Variants in CHCHD3 observed in about 807,000 individuals in gnomAD.
CHCHD3 encodes MICOS complex subunit MIC19.
CHCHD3 carries 20 observed loss-of-function variants against 38.2 expected under a neutral mutation model. That is an observed-to-expected ratio of 0.52 (90% CI 0.37 to 0.76). The LOEUF is 0.76. Among genes scored for constraint, CHCHD3 ranks in the 30% least tolerant of loss-of-function variants. CHCHD3 has a pLI of 0.00. For missense variants in CHCHD3, 245 were observed against 279.2 expected, an observed-to-expected ratio of 0.88 and a Z score of 0.87; for synonymous variants, 82 against 100.0, an observed-to-expected ratio of 0.82 and a Z score of 1.07.
intron 4 of CHCHD3, among the ~76,000 whole-genome samples, chr7:132,934,909 A>G (rs1179045547): frequency 1.3e-5 from 2 of 152,200 alleles, no homozygotes; most frequent in African/African-American, 4.8e-5. Flanking sequence ...CTCCCGCACA[A>G]TATGGAAAAG....
chr7:132,993,519 C>T (rs1812336003), intron 3 of CHCHD3, among the ~76,000 whole-genome samples: 2 of 152,196 alleles, frequency 1.3e-5, no homozygotes, highest in South Asian at 4.1e-4. Flanking sequence ...TCTTTCTCTC[C>T]GCCTACTGTG....
intron 5 of CHCHD3, among the ~76,000 whole-genome samples, chr7:132,861,778 A>G (rs1384701274): frequency 6.6e-6 from 1 of 152,086 alleles, no homozygotes; most frequent in Non-Finnish European, 1.5e-5. Context: ...TTTGAATTTC[A>G]TAGAATTGTT....
At chr7:132,814,757 T>C (rs1807155404) in intron 6 of CHCHD3, among the ~76,000 whole-genome samples, 1 of 152,208 alleles carries the variant, frequency 6.6e-6, no homozygotes, top group Non-Finnish European at 1.5e-5. Flanking sequence ...ATCTGGAGTT[T>C]TGTCAAATCA....
At chr7:132,982,083 A>G (rs2117346243) in intron 3 of CHCHD3, among the ~76,000 whole-genome samples, 1 of 152,314 alleles carries the variant, frequency 6.6e-6, no homozygotes, top group South Asian at 2.1e-4. Context: ...CAGAAGAGCT[A>G]AGCTGGGTAA....
intron 4 of CHCHD3, among the ~76,000 whole-genome samples, chr7:132,939,651 TC>T (rs1810717256): frequency 6.6e-6 from 1 of 152,154 alleles, no homozygotes; most frequent in Admixed American, 6.5e-5. Context: ...TCAGTGACTC[TC>T]TAAACATTAA....
chr7:133,068,265 C>T (rs550654343), intron 2 of CHCHD3, among the ~76,000 whole-genome samples: 7 of 152,114 alleles, frequency 4.6e-5, no homozygotes, highest in South Asian at 4.2e-4. Context: ...ATTCAACAAA[C>T]GATAATAAGC....
At chr7:132,849,727 T>G (rs1021320693) in intron 5 of CHCHD3, 3 of 152,196 alleles carry the variant, frequency 2.0e-5, no homozygotes, top group African/African-American at 7.2e-5. Context: ...AACTTCCCAG[T>G]AGGCTGCTTA....
chr7:132,869,645 G>T (rs114941478), intron 5 of CHCHD3, among the ~76,000 whole-genome samples: 1 of 152,126 alleles, frequency 6.6e-6, no homozygotes, highest in Non-Finnish European at 1.5e-5. Context: ...GGAGTGCAGC[G>T]ACATAATGGC....
intron 2 of CHCHD3, among the ~76,000 whole-genome samples, chr7:133,046,072 T>C (rs747944266): frequency 3.9e-5 from 6 of 152,208 alleles, no homozygotes; most frequent in Non-Finnish European, 7.3e-5. Context: ...TGAATCTTAC[T>C]TTTTTTAGTG....
intron 4 of CHCHD3, among the ~76,000 whole-genome samples, chr7:132,939,796 G>C (rs1353457457): frequency 6.6e-6 from 1 of 152,156 alleles, no homozygotes; most frequent in East Asian, 1.9e-4. Flanking sequence ...AGACATTTAG[G>C]AACAAATGAG....
In CHCHD3 at chr7:132,987,436, CA is replaced by C. The variant is rs142242689; in HGVS notation, c.252-12151del. 2.3e-3 allele frequency among the ~76,000 whole-genome samples: 352 copies of C among 152,146 alleles called. 2 individuals carry two copies. Among genetic ancestry groups the C allele is most frequent in the African/African-American group, 7.9e-3 (327 of 41,504 alleles). On this transcript the variant is annotated intron_variant, in intron 3 of 7. Transcript: ENST00000262570. ...TCATGAAAGAGATTGTGAATATAACCAAAAAAGGTGGGAGATGAAGGGCTTC... is the reference window on the plus strand; with the variant it reads ...TCATGAAAGAGATTGTGAATATAACCAAAAAGGTGGGAGATGAAGGGCTTC...
chr7:133,051,147 C>T (rs1814151904), intron 2 of CHCHD3, among the ~76,000 whole-genome samples: 2 of 152,150 alleles, frequency 1.3e-5, no homozygotes, highest in Non-Finnish European at 2.9e-5. Flanking sequence ...AGCCAGAAAG[C>T]ATAACAACAA....
intron 2 of CHCHD3, among the ~76,000 whole-genome samples, chr7:133,066,842 C>A (rs955363513): frequency 6.6e-6 from 1 of 152,184 alleles, no homozygotes; most frequent in African/African-American, 2.4e-5. Flanking sequence ...GAACAACCAA[C>A]AATTACTTAT....
At chr7:132,807,439 T>C (rs1019393022) in intron 6 of CHCHD3, among the ~76,000 whole-genome samples, 1 of 152,012 alleles carries the variant, frequency 6.6e-6, no homozygotes, top group African/African-American at 2.4e-5. Flanking sequence ...AAGTCCTTTC[T>C]TGCTCTCCAA....
intron 2 of CHCHD3, among the ~76,000 whole-genome samples, chr7:133,060,632 G>T (rs1432496157): frequency 2.0e-5 from 3 of 152,214 alleles, no homozygotes; most frequent in African/African-American, 7.2e-5. Flanking sequence ...AAGGAGGCCG[G>T]GTGCGGTGGC....
chr7:132,925,602 A>C (rs1810355023), intron 4 of CHCHD3, among the ~76,000 whole-genome samples: 1 of 152,190 alleles, frequency 6.6e-6, no homozygotes, highest in Non-Finnish European at 1.5e-5. Flanking sequence ...TCTGTTACTT[A>C]CATTTGGTTA....
At chr7:132,960,720 G>A (rs1229432334) in intron 4 of CHCHD3, among the ~76,000 whole-genome samples, 1 of 152,182 alleles carries the variant, frequency 6.6e-6, no homozygotes, top group Non-Finnish European at 1.5e-5. Context: ...GCTCATGCCT[G>A]TAATCCTAGC....
At chr7:132,829,255 T>C (rs900913596) in intron 6 of CHCHD3, among the ~76,000 whole-genome samples, 4 of 152,148 alleles carry the variant, frequency 2.6e-5, no homozygotes, top group Non-Finnish European at 5.9e-5. Context: ...CAAAATATCA[T>C]GTACCCTAGA....
intron 4 of CHCHD3, among the ~76,000 whole-genome samples, chr7:132,903,016 C>T (rs1341284237): frequency 6.6e-6 from 1 of 152,146 alleles, no homozygotes; most frequent in Non-Finnish European, 1.5e-5. Context: ...CAATTTTTAA[C>T]ATCCTTTGTC....
Sources: allele counts gnomAD v4.1 joint callset (sites outside exome capture counted in the v4.1 genomes callset), GRCh38; gene constraint gnomAD v4.1.1; transcripts MANE v1.5; gene names NCBI Gene and HGNC (gene_info 2026-07-23, HGNC 2026-07-21).